RBM33: variants seen among roughly 807,000 people sequenced by gnomAD.
The protein encoded by RBM33 is RNA binding motif protein 33.
A neutral mutation model predicts 132.6 loss-of-function variants in RBM33; 28 were observed. That is an observed-to-expected ratio of 0.21 (90% CI 0.16 to 0.29). The LOEUF is 0.29. Ranked by LOEUF, RBM33 falls within the 10% of genes least tolerant of loss-of-function variation. RBM33 has a pLI of 1.00. For missense variants in RBM33, 1,291 were observed against 1,518.5 expected, an observed-to-expected ratio of 0.85 and a Z score of 2.49; for synonymous variants, 634 against 593.0, an observed-to-expected ratio of 1.07 and a Z score of -1.01.
chr7:155,653,128 C>G (rs769938698), intron 1 of RBM33, among the ~76,000 whole-genome samples: 3 of 151,826 alleles, frequency 2.0e-5, no homozygotes, highest in Non-Finnish European at 2.9e-5. Flanking sequence ...TTGCTTCCAC[C>G]TTTTGGTTAT....
At chr7:155,673,940 G>GTTGTTGTTGTTTTTTTGTTTTTTTT in intron 3 of RBM33, among the ~76,000 whole-genome samples, 1 of 54,214 alleles carries the variant, frequency 1.8e-5, no homozygotes, top group African/African-American at 8.3e-5. Flanking sequence ...TTTAGGCTTA[G>GTTGTTGTTGTTTTTTTGTTTTTTTT]TTTTTTTTTT....
intron 1 of RBM33, among the ~76,000 whole-genome samples, chr7:155,659,601 A>G (rs1429182713): frequency 6.6e-6 from 1 of 152,204 alleles, no homozygotes; most frequent in Non-Finnish European, 1.5e-5. Context: ...CCTACGGGAC[A>G]CCACCAAGTG....
At chr7:155,686,185 G>A (rs769846517) in intron 5 of RBM33, among the ~76,000 whole-genome samples, 1 of 152,226 alleles carries the variant, frequency 6.6e-6, no homozygotes, top group Non-Finnish European at 1.5e-5. Flanking sequence ...CAAGAACTAA[G>A]ACAAAGCTAA....
chr7:155,646,599 C>A (rs1798202408), intron 1 of RBM33, among the ~76,000 whole-genome samples: 1 of 152,208 alleles, frequency 6.6e-6, no homozygotes, highest in South Asian at 2.1e-4. Flanking sequence ...CCGCTCTTGC[C>A]AGGGCTGACT....
intron 3 of RBM33, among the ~76,000 whole-genome samples, chr7:155,677,623 G>C (rs188691315): frequency 7.9e-5 from 12 of 152,268 alleles, no homozygotes; most frequent in Non-Finnish European, 1.8e-4. Context: ...TTATCTTATT[G>C]TGGTGTCAGT....
chr7:155,759,637 T>A (rs567031552), intron 14 of RBM33, among the ~76,000 whole-genome samples: 1 of 152,250 alleles, frequency 6.6e-6, no homozygotes, highest in Non-Finnish European at 1.5e-5. Context: ...GCCAGGATGG[T>A]CTCGATCTCC....
rs114202592 is a variant in RBM33 at position 155,655,883 on chromosome 7, G to A, written c.44-9292G>A. Among the ~76,000 whole-genome samples the A allele has an allele frequency of 4.3e-3, 652 of 151,960 alleles. 6 individuals are homozygous for A. The highest frequency in any genetic ancestry group is 0.015 in the African/African-American group (618 of 41,452). ...AGTCTGGGTAACATTGCAAGACCCC[G>A]TCTCTTAAAAAATAAAAATAAAAAA... On this transcript the variant is annotated intron_variant, in intron 1 of 17. Coordinates refer to ENST00000401878, the MANE Select transcript of RBM33 (RefSeq NM_053043.3).
rs569121978 is a variant in RBM33 at position 155,745,093 on chromosome 7, C to T, written c.2470C>T (p.Leu824=). The T allele has an allele frequency of 1.0e-5, 16 of 1,602,268 alleles. No homozygotes were observed. The East Asian group carries it at 2.2e-4, about 23-fold the overall frequency. The part of the protein sequence containing the change: ...QQAGARKKEL[L]ERLAQQQQQL... ...GGCTGGTGCCAGGAAGAAGGAGCTG[C>T]TGGAGAGACTCGCGCAGCAACAGCA... is the stretch of plus-strand genomic sequence containing the variant. The change falls in exon 14 of 18, where the codon CTG becomes TTG. Residue 824 remains leucine, a synonymous_variant. Transcript: ENST00000401878. This position sits in a 1 kb window ranked among gnomAD's most constrained non-coding sequence, Gnocchi z 4.1.
intron 5 of RBM33, among the ~76,000 whole-genome samples, chr7:155,686,321 C>T (rs748480816): frequency 2.6e-5 from 4 of 151,966 alleles, no homozygotes; most frequent in Admixed American, 6.6e-5. Context: ...GTAATTTAGG[C>T]GGAAGACATC....
chr7:155,754,521 G>A (rs1801785514), intron 14 of RBM33, among the ~76,000 whole-genome samples: 3 of 152,220 alleles, frequency 2.0e-5, no homozygotes, highest in Admixed American at 2.0e-4. Context: ...AGCATCTGGA[G>A]GTGCCTGGCT....
At chr7:155,741,043 T>C (rs1195417804) in intron 12 of RBM33, among the ~76,000 whole-genome samples, 1 of 152,240 alleles carries the variant, frequency 6.6e-6, no homozygotes, top group Non-Finnish European at 1.5e-5. Flanking sequence ...TGCCTCTTTC[T>C]TTCTTAAAGT....
At chr7:155,697,711 G>A (rs116106997) in intron 5 of RBM33, among the ~76,000 whole-genome samples, 2,647 of 152,164 alleles carry the variant, frequency 0.017, 73 homozygotes, top group African/African-American at 0.06. Flanking sequence ...ATTAGCTGGA[G>A]AACTTCAAAA....
chr7:155,753,944 C>G (rs1280724476), intron 14 of RBM33, among the ~76,000 whole-genome samples: 2 of 152,208 alleles, frequency 1.3e-5, no homozygotes, highest in Admixed American at 1.3e-4. Flanking sequence ...GACGTACAGT[C>G]TAGCATCTTC....
chr7:155,652,890 CAG>C (rs1798395123), intron 1 of RBM33, among the ~76,000 whole-genome samples: 1 of 152,042 alleles, frequency 6.6e-6, no homozygotes, highest in Admixed American at 6.6e-5. Flanking sequence ...TAAAGGAAAA[CAG>C]AGGGAAATGA....
chr7:155,713,877 G>A (rs1800380181), intron 8 of RBM33, among the ~76,000 whole-genome samples: 1 of 152,136 alleles, frequency 6.6e-6, no homozygotes, highest in Non-Finnish European at 1.5e-5. Context: ...CGTGCCAGAG[G>A]TGGGCTTGCT....
intron 8 of RBM33, among the ~76,000 whole-genome samples, chr7:155,711,658 G>A (rs1459290071): frequency 1.3e-5 from 2 of 152,206 alleles, no homozygotes; most frequent in Admixed American, 6.5e-5. Flanking sequence ...AAGCTGGGCA[G>A]GGGGAGCTGC....
chr7:155,724,745 A>G (rs1417351412), intron 9 of RBM33, among the ~76,000 whole-genome samples: 1 of 151,994 alleles, frequency 6.6e-6, no homozygotes, highest in East Asian at 1.9e-4. Flanking sequence ...TGTTCCTATA[A>G]TTGTGTTATG....
In RBM33 at chr7:155,713,476, G is replaced by A. The variant is rs556539209; in HGVS notation, c.1201+2021G>A. ...AAGGACTGGGACCCCGGCACTCGACGTGGGAATGGGGGCAGGAGGAGAGCC... is the reference window on the plus strand; with the variant it reads ...AAGGACTGGGACCCCGGCACTCGACATGGGAATGGGGGCAGGAGGAGAGCC... On this transcript the variant is annotated intron_variant, in intron 8 of 17. Transcript: ENST00000401878. Among the ~76,000 whole-genome samples, 3 of 152,196 alleles carry A rather than the reference G, an allele frequency of 2.0e-5. No individual in the cohort carries two copies. In the South Asian group the frequency reaches 6.2e-4, roughly 32 times the overall value.
At chr7:155,699,802 T>C (rs1799907049) in intron 5 of RBM33, among the ~76,000 whole-genome samples, 1 of 152,188 alleles carries the variant, frequency 6.6e-6, no homozygotes, top group Non-Finnish European at 1.5e-5. Flanking sequence ...TTTGTTTTCA[T>C]TTTTTTCTTG....
Sources: gnomAD v4.1 joint callset for allele counts (sites outside exome capture counted in the v4.1 genomes callset) on GRCh38, gnomAD v4.1.1 for gene constraint, Gnocchi (gnomAD v3.1) non-coding constraint, MANE v1.5 for transcripts, NCBI Gene and HGNC (gene_info 2026-07-23, HGNC 2026-07-21) for gene names.